The following RFX7 variants were observed in gnomAD, a reference collection of about 807,000 sequenced individuals.
RFX7 encodes the protein regulatory factor X7.
Under a neutral mutation model 111.8 loss-of-function variants are expected in RFX7, and 26 were observed. That is an observed-to-expected ratio of 0.23 (90% confidence interval 0.17 to 0.32). RFX7 has a LOEUF of 0.32. RFX7 is among the 10% of genes least tolerant of loss of function. RFX7 has a pLI of 1.00. For missense variants in RFX7, 1,573 were observed against 1,772.9 expected (o/e 0.89, Z 2.02); for synonymous variants, 624 against 624.4 (o/e 1.00, Z 0.01).
At chr15:56,160,362 T>C (rs1199108034) in intron 3 of RFX7, among the ~76,000 whole-genome samples, 1 of 152,086 alleles carries the variant, frequency 6.6e-6, no homozygotes, top group East Asian at 1.9e-4. Context: ...TTTTTTTTTT[T>C]TTTTAAGTTT....
intron 5 of RFX7, among the ~76,000 whole-genome samples, chr15:56,137,530 G>A (rs78634107): frequency 0.16 from 24,671 of 151,788 alleles, 2,593 homozygotes; most frequent in Middle Eastern, 0.24. Flanking sequence ...TCTTGCTAGC[G>A]GTCTATCAAT....
At chr15:56,106,739 A>G (rs546220113) in intron 5 of RFX7, among the ~76,000 whole-genome samples, 6 of 152,322 alleles carry the variant, frequency 3.9e-5, no homozygotes, top group African/African-American at 1.4e-4. Context: ...TAGATATTCA[A>G]TGATTCTTTT....
chr15:56,124,833 A>T (rs4774846), intron 5 of RFX7, among the ~76,000 whole-genome samples: 148,211 of 152,332 alleles, frequency 0.97, 72,234 homozygotes, highest in East Asian at 1. Flanking sequence ...ATTGATTGTT[A>T]TCTTTGCTGT....
intron 2 of RFX7, among the ~76,000 whole-genome samples, chr15:56,210,585 T>C (rs2043303570): frequency 6.6e-6 from 1 of 152,042 alleles, no homozygotes; most frequent in Non-Finnish European, 1.5e-5. Flanking sequence ...ACAAATTTTT[T>C]TAAAAATAGA....
intron 5 of RFX7, among the ~76,000 whole-genome samples, chr15:56,140,101 C>G (rs1409954160): frequency 6.6e-6 from 1 of 152,204 alleles, no homozygotes; most frequent in East Asian, 1.9e-4. Flanking sequence ...GAGGTGGAGC[C>G]TACAGAGGCA....
At chr15:56,105,428 A>G (rs536636552) in intron 5 of RFX7, among the ~76,000 whole-genome samples, 2 of 152,370 alleles carry the variant, frequency 1.3e-5, no homozygotes, top group African/African-American at 4.8e-5. Context: ...TAGTAAGACC[A>G]TCTGTATTTA....
intron 5 of RFX7, among the ~76,000 whole-genome samples, chr15:56,135,465 TG>T (rs1306492118): frequency 6.6e-6 from 1 of 152,048 alleles, no homozygotes; most frequent in East Asian, 1.9e-4. Context: ...TGGGGCTGTT[TG>T]TTTTTTTCTT....
chr15:56,242,306 T>G (rs2414471), intron 2 of RFX7, among the ~76,000 whole-genome samples: 19,819 of 152,232 alleles, frequency 0.13, 1,693 homozygotes, highest in East Asian at 0.44. Context: ...CAAAGAATAT[T>G]GCAATGGCTC....
intron 5 of RFX7, among the ~76,000 whole-genome samples, chr15:56,109,288 T>C (rs1159383220): frequency 6.6e-6 from 1 of 152,240 alleles, no homozygotes; most frequent in Non-Finnish European, 1.5e-5. Context: ...CCGCGAGTGA[T>C]CCGCCAGCCT....
chr15:56,157,176 T>A (rs182849368), intron 3 of RFX7, among the ~76,000 whole-genome samples: 45 of 152,362 alleles, frequency 3.0e-4, no homozygotes, highest in African/African-American at 1.1e-3. Flanking sequence ...ATTCACTTTG[T>A]TTTTGAAGTC....
At chr15:56,209,268 A>C (rs2043286952) in intron 2 of RFX7, among the ~76,000 whole-genome samples, 1 of 151,816 alleles carries the variant, frequency 6.6e-6, no homozygotes, top group African/African-American at 2.4e-5. Context: ...GAGTGGAGTG[A>C]AACACTCGAG....
At chr15:56,113,943 A>T (rs1314349938) in intron 5 of RFX7, among the ~76,000 whole-genome samples, 3 of 152,236 alleles carry the variant, frequency 2.0e-5, no homozygotes, top group African/African-American at 7.2e-5. Context: ...TTGCTAGACA[A>T]TCTGAAAGAC....
intron 2 of RFX7, among the ~76,000 whole-genome samples, chr15:56,191,481 C>T (rs1012949106): frequency 2.6e-5 from 4 of 152,118 alleles, no homozygotes; most frequent in Admixed American, 1.3e-4. Flanking sequence ...CAATAATAAA[C>T]CACCAATGCA....
chr15:56,154,708 G>C (rs1455091892), intron 3 of RFX7, among the ~76,000 whole-genome samples: 2 of 152,144 alleles, frequency 1.3e-5, no homozygotes, highest in African/African-American at 4.8e-5. Flanking sequence ...TAGTATTCAG[G>C]ACATAGGCAT....
At chr15:56,128,408 A>T (rs1393714739) in intron 5 of RFX7, among the ~76,000 whole-genome samples, 13 of 152,228 alleles carry the variant, frequency 8.5e-5, no homozygotes, top group Non-Finnish European at 1.5e-4. Context: ...TTTATCCCAG[A>T]AATGCATGAT....
At chr15:56,106,713 C>T (rs191641764) in intron 5 of RFX7, among the ~76,000 whole-genome samples, 513 of 152,150 alleles carry the variant, frequency 3.4e-3, no homozygotes, top group Non-Finnish European at 5.3e-3. Context: ...GACACCTTTC[C>T]CCATTAAGAA....
At chr15:56,237,923 G>C (rs1415673572) in intron 2 of RFX7, among the ~76,000 whole-genome samples, 1 of 152,102 alleles carries the variant, frequency 6.6e-6, no homozygotes, top group Non-Finnish European at 1.5e-5. Flanking sequence ...TGTGTGCTTG[G>C]TATTGAAGAC....
At chr15:56,157,000 C>T (rs2042661188) in intron 3 of RFX7, among the ~76,000 whole-genome samples, 1 of 152,180 alleles carries the variant, frequency 6.6e-6, no homozygotes, top group South Asian at 2.1e-4. Flanking sequence ...GGAGATGCTG[C>T]TAATGCTGGT....
intron 5 of RFX7, among the ~76,000 whole-genome samples, chr15:56,109,279 C>G (rs1431126138): frequency 6.6e-6 from 1 of 152,254 alleles, no homozygotes; most frequent in Non-Finnish European, 1.5e-5. Context: ...AGCTCCTAAC[C>G]GCGAGTGATC....
Sources: gnomAD v4.1 joint callset for allele counts (sites outside exome capture counted in the v4.1 genomes callset) on GRCh38, gnomAD v4.1.1 for gene constraint, MANE v1.5 for transcripts, NCBI Gene and HGNC (gene_info 2026-07-23, HGNC 2026-07-21) for gene names.